COPS4: variants seen among roughly 807,000 people sequenced by gnomAD.
COPS4 encodes the protein COP9 signalosome complex subunit 4.
A neutral mutation model predicts 55.1 loss-of-function variants in COPS4; 8 were observed. That is an observed-to-expected ratio of 0.15 (90% CI 0.09 to 0.26). The LOEUF is 0.26. Among genes scored for constraint, COPS4 ranks in the 10% least tolerant of loss-of-function variants. The pLI is 1.00. For missense variants in COPS4, 248 were observed against 484.0 expected (o/e 0.51, Z 4.58); for synonymous variants, 185 against 165.7 (o/e 1.12, Z -0.90).
intron 9 of COPS4, among the ~76,000 whole-genome samples, chr4:83,072,886 A>C (rs556351979): frequency 2.9e-4 from 44 of 152,268 alleles, no homozygotes; most frequent in Non-Finnish European, 5.6e-4. Context: ...TTAAATTGAA[A>C]TTCACATGGG....
chr4:83,045,819 T>C (rs1011934826), intron 2 of COPS4, 114 bp downstream of exon 2: 3 of 618,992 alleles, frequency 4.8e-6, no homozygotes, highest in Non-Finnish European at 8.5e-6. Flanking sequence ...TTGAGATTGA[T>C]TGATTTTAGA....
At chr4:83,039,743 C>T (rs780393868) in intron 1 of COPS4, among the ~76,000 whole-genome samples, 8 of 152,176 alleles carry the variant, frequency 5.3e-5, no homozygotes, top group African/African-American at 1.4e-4. Context: ...GCAATCTTCT[C>T]GCCTTAGCCT....
At chr4:83,056,731 G>A (rs1222022928) in intron 4 of COPS4, among the ~76,000 whole-genome samples, 195 bp from the exon 5 acceptor site, 1 of 152,060 alleles carries the variant, frequency 6.6e-6, no homozygotes, top group African/African-American at 2.4e-5. Flanking sequence ...CCCGGGAGGG[G>A]GAGTTTGCAG....
At chr4:83,052,682 C>G (rs1730915378) in intron 4 of COPS4, among the ~76,000 whole-genome samples, 1 of 152,120 alleles carries the variant, frequency 6.6e-6, no homozygotes, top group Admixed American at 6.6e-5. Context: ...GTGATCTCAG[C>G]TCACTTCAGT....
chr4:83,035,211 G>C lies in COPS4; in HGVS notation c.-14G>C. ...GCCAGAGGCCCCCGCATCCACCGCT[G>C]AGCTGGGAGAAAGATGGCGGCAGCC... On this transcript the variant is annotated 5_prime_UTR_variant, in exon 1 of 10. Coordinates refer to ENST00000264389, the MANE Select transcript of COPS4 (RefSeq NM_016129.3). 2.6e-6 allele frequency: 4 copies of C among 1,556,812 alleles called. No individual in the cohort carries two copies. The highest frequency in any genetic ancestry group is 3.5e-6 in the Non-Finnish European group (4 of 1,143,624).
In COPS4 at chr4:83,045,600, A is replaced by G. The variant is rs201754666; in HGVS notation, c.75-26A>G. The G allele has an allele frequency of 2.3e-5, 36 of 1,557,702 alleles. No homozygotes were observed. The African/African-American group carries it at 4.5e-4, about 19-fold the overall frequency. On this transcript the variant is annotated intron_variant, in intron 1 of 9. Transcript: ENST00000264389. ...TTAGAAAATATAGTACCCTCAGAAC[A>G]TTATTTTCATTTGGTATTGTTGTAG...
intron 9 of COPS4, among the ~76,000 whole-genome samples, chr4:83,074,816 A>C (rs1320048796): frequency 6.6e-6 from 1 of 151,650 alleles, no homozygotes; most frequent in Non-Finnish European, 1.5e-5. Context: ...TGAGTTTTAG[A>C]CTTTTAAAAG....
At chr4:83,049,660 G>A (rs1730808426) in intron 3 of COPS4, 3 of 508,160 alleles carry the variant, frequency 5.9e-6, no homozygotes, top group Non-Finnish European at 1.0e-5. Flanking sequence ...CTACAGTATT[G>A]TACCATAATC....
At chr4:83,036,751 A>G (rs1484952226) in intron 1 of COPS4, among the ~76,000 whole-genome samples, 2 of 104,996 alleles carry the variant, frequency 1.9e-5, no homozygotes, top group Non-Finnish European at 3.8e-5. Flanking sequence ...TCATGGCTCA[A>G]TCCTTTCTGC....
At chr4:83,049,537 A>G in intron 3 of COPS4, 1 of 515,608 alleles carries the variant, frequency 1.9e-6, no homozygotes, top group Admixed American at 3.9e-5. Context: ...TGAATCAAAT[A>G]TTGCTCTCTA....
Position 83,035,194 on chromosome 4 carries a change from C to A in COPS4, c.-31C>A, listed in dbSNP as rs767561954. On this transcript the variant is annotated 5_prime_UTR_variant, in exon 1 of 10. Coordinates refer to ENST00000264389, the MANE Select transcript of COPS4 (RefSeq NM_016129.3). ...TCGTTTTCTTTTTGGCTGCCAGAGGCCCCCGCATCCACCGCTGAGCTGGGA... is the reference window on the plus strand; with the variant it reads ...TCGTTTTCTTTTTGGCTGCCAGAGGACCCCGCATCCACCGCTGAGCTGGGA... 1.4e-5 allele frequency: 22 copies of A among 1,528,266 alleles called. No individual in the cohort carries two copies. The highest frequency in any genetic ancestry group is 1.2e-4 in the African/African-American group (9 of 72,988). 94.7% of individuals were successfully genotyped at this position (1,528,266 alleles called of 1,614,324 possible). A position where few individuals can be genotyped will look rare whatever the true frequency, so the allele number is the denominator to read the frequency against.
At chr4:83,071,569 T>C (rs1312647316) in intron 9 of COPS4, among the ~76,000 whole-genome samples, 2 of 152,070 alleles carry the variant, frequency 1.3e-5, no homozygotes, top group Non-Finnish European at 2.9e-5. Context: ...ACTACAGGTG[T>C]ACACACCGCA....
intron 1 of COPS4, among the ~76,000 whole-genome samples, chr4:83,043,353 C>CA (rs1475528356): frequency 6.6e-6 from 1 of 151,312 alleles, no homozygotes; most frequent in Non-Finnish European, 1.5e-5. Context: ...CCCATCTCTA[C>CA]AAAAAGAAAA....
chr4:83,061,993 A>G (rs1373424892), intron 6 of COPS4, among the ~76,000 whole-genome samples: 1 of 152,204 alleles, frequency 6.6e-6, no homozygotes, highest in African/African-American at 2.4e-5. Flanking sequence ...GACTACCAAG[A>G]TATGGACAGT....
rs573164103 is a variant in COPS4 at position 83,037,127 on chromosome 4, A to G, written c.74+1829A>G. Among the ~76,000 whole-genome samples the G allele has an allele frequency of 1.4e-4, 22 of 152,328 alleles. No homozygotes were observed. The South Asian group carries it at 4.1e-3, about 29-fold the overall frequency. Reference sequence around the variant, plus strand: ...CACACCTGGGGCGGGACTCACATGCATATCTTGCTCTTGCCTGGATCTCTC... The same window carrying G: ...CACACCTGGGGCGGGACTCACATGCGTATCTTGCTCTTGCCTGGATCTCTC... On this transcript the variant is annotated intron_variant, in intron 1 of 9. Coordinates refer to ENST00000264389, the MANE Select transcript of COPS4 (RefSeq NM_016129.3).
rs13117980 is a variant in COPS4, at chr4:83,035,311, C to T, written c.74+13C>T. ...ATCTGGCTGGCAAGTGAGTATTTCC[C>T]AGGAACGCGGGAGTACAGAGGTGGG... On this transcript the variant is annotated intron_variant, in intron 1 of 9. Transcript: ENST00000264389. The T allele has an allele frequency of 1.3e-6, 2 of 1,540,196 alleles. No individual in the cohort carries two copies. The highest frequency in any genetic ancestry group is 8.8e-7 in the Non-Finnish European group (1 of 1,133,150).
At chr4:83,052,764 T>G (rs1453667221) in intron 4 of COPS4, among the ~76,000 whole-genome samples, 1 of 152,156 alleles carries the variant, frequency 6.6e-6, no homozygotes, top group African/African-American at 2.4e-5. Context: ...TTTTTGTATT[T>G]TTAGTAGAAA....
intron 7 of COPS4, among the ~76,000 whole-genome samples, chr4:83,065,564 T>C: frequency 6.6e-6 from 1 of 152,222 alleles, no homozygotes; most frequent in East Asian, 1.9e-4. Context: ...AGTAGTTAAA[T>C]GTTCAGCAGA....
chr4:83,036,434 C>T (rs1315817604), intron 1 of COPS4, among the ~76,000 whole-genome samples: 1 of 152,152 alleles, frequency 6.6e-6, no homozygotes, highest in African/African-American at 2.4e-5. Context: ...GGCTAGGCTG[C>T]CTTTTCTCTG....
Sources: gnomAD v4.1 joint callset for allele counts (sites outside exome capture counted in the v4.1 genomes callset) on GRCh38, gnomAD v4.1.1 for gene constraint, MANE v1.5 for transcripts, NCBI Gene and HGNC (gene_info 2026-07-23, HGNC 2026-07-21) for gene names.